CDKL5: variants seen among roughly 807,000 people sequenced by gnomAD.
CDKL5 encodes the protein cyclin-dependent kinase-like 5.
A neutral mutation model predicts 61.7 loss-of-function variants in CDKL5; 8 were observed. That is an observed-to-expected ratio of 0.13 (90% CI 0.08 to 0.23). The LOEUF is 0.23. Among genes scored for constraint, CDKL5 ranks in the 10% least tolerant of loss-of-function variants. CDKL5 has a pLI of 1.00. For missense variants in CDKL5, 440 were observed against 734.5 expected (o/e 0.60, Z 4.63); for synonymous variants, 275 against 272.3 (o/e 1.01, Z -0.10).
chrX:18,455,644 T>G (rs897095134), intron 1 of CDKL5, among the ~76,000 whole-genome samples: 1 of 113,021 alleles, frequency 8.8e-6, no homozygotes, highest in African/African-American at 3.2e-5. Flanking sequence ...GCAAACCCGC[T>G]TCTGTAATGC....
chrX:18,633,844 G>C lies in CDKL5; in HGVS notation c.*5087G>C. 1 of 753,770 alleles carries C rather than the reference G, an allele frequency of 1.3e-6. No homozygotes were observed. The highest frequency in any genetic ancestry group is 1.6e-6 in the Non-Finnish European group (1 of 639,183). 62.1% of individuals were successfully genotyped at this position (753,770 alleles called of 1,213,427 possible). On this transcript the variant is annotated 3_prime_UTR_variant, in exon 18 of 18. Coordinates refer to ENST00000623535, the MANE Select transcript of CDKL5 (RefSeq NM_001323289.2). The stretch of plus-strand genomic sequence containing the variant: ...CCTGGCTCCACCTTTCTCCTCTCCG[G>C]GCACTGACCCCACCTTTCCGTGTAT...
At chrX:18,549,252 CA>C (rs947274824) in intron 3 of CDKL5, among the ~76,000 whole-genome samples, 4 of 111,664 alleles carry the variant, frequency 3.6e-5, no homozygotes, top group African/African-American at 1.3e-4. Flanking sequence ...TGAATAATTG[CA>C]AAAATTAAGT....
In CDKL5 at chrX:18,633,454, A is replaced by C; in HGVS notation, c.*4697A>C. ...AAGAAGATCCTCTCAAAGACTTAAA[A>C]GCCTGGCTTACAAAAATAACCAGAA... On this transcript the variant is annotated 3_prime_UTR_variant, in exon 18 of 18. Transcript: ENST00000623535. 1 of 754,768 alleles carries C rather than the reference A, an allele frequency of 1.3e-6. No homozygotes were observed. 62.2% of individuals were successfully genotyped at this position (754,768 alleles called of 1,213,427 possible).
chrX:18,507,552 TTTCA>T (rs201508159), intron 2 of CDKL5, among the ~76,000 whole-genome samples: 25,792 of 102,487 alleles, frequency 0.25, 2,889 homozygotes, highest in Non-Finnish European at 0.3. Flanking sequence ...ATAACTTAAA[TTTCA>T]TTCATTCATT....
In CDKL5 at chrX:18,635,354, C is replaced by G. The variant is rs901476534; in HGVS notation, c.*6597C>G. On this transcript the variant is annotated 3_prime_UTR_variant, in exon 18 of 18. Coordinates refer to ENST00000623535, the MANE Select transcript of CDKL5 (RefSeq NM_001323289.2). ...GAGCACAATGTATTTTTGAATGGAT[C>G]TTCCCAAATGTCTTTAATAAAATGC... The G allele has an allele frequency of 6.6e-6, 5 of 752,290 alleles. No homozygotes were observed. The African/African-American group carries it at 1.2e-4, about 17-fold the overall frequency. 62.0% of individuals were successfully genotyped at this position (752,290 alleles called of 1,213,427 possible).
chrX:18,518,867 C>T (rs1343335033), intron 3 of CDKL5, among the ~76,000 whole-genome samples: 3 of 109,191 alleles, frequency 2.7e-5, no homozygotes, highest in Non-Finnish European at 5.7e-5. Context: ...AATAATAAAG[C>T]GGGAGGGGAA....
At chrX:18,610,577 T>C (rs149339092) in intron 14 of CDKL5, among the ~76,000 whole-genome samples, 1,734 of 112,987 alleles carry the variant, frequency 0.015, 37 homozygotes, top group African/African-American at 0.052. Flanking sequence ...CATAAATATT[T>C]GTCAATTGAA....
downstream of CDKL5, among the ~76,000 whole-genome samples, chrX:18,643,900 C>G (rs1346429450): frequency 9.0e-6 from 1 of 110,874 alleles, no homozygotes; most frequent in Admixed American, 9.6e-5. Flanking sequence ...CTGTCTCAAT[C>G]CACAAAGATT....
At chrX:18,488,083 G>C (rs1921856622) in intron 1 of CDKL5, among the ~76,000 whole-genome samples, 1 of 111,438 alleles carries the variant, frequency 9.0e-6, no homozygotes, top group Non-Finnish European at 1.9e-5. Flanking sequence ...GAGGAAATGG[G>C]GATTCTGGCC....
rs1253759396 is a variant in CDKL5, at chrX:18,636,424, T to A, written c.*7667T>A. ...CGAAACAGGTACTATTATTATCCCC[T>A]TTTTGTAAATGAGGAAACAGATTTC... On this transcript the variant is annotated 3_prime_UTR_variant, in exon 18 of 18. Coordinates refer to ENST00000623535, the MANE Select transcript of CDKL5 (RefSeq NM_001323289.2). The A allele has an allele frequency of 9.2e-6, 1 of 108,567 alleles. No homozygotes were observed. Among genetic ancestry groups the A allele is most frequent in the Admixed American group, 1.0e-4 (1 of 10,033 alleles). The allele number at this position is 108,567 out of a possible 1,213,427, so 8.9% of individuals were successfully genotyped here.
rs764086717 is a variant in CDKL5 at position 18,545,838 on chromosome X, A to T, written c.100-18639A>T. 3.6e-5 allele frequency among the ~76,000 whole-genome samples: 4 copies of T among 112,271 alleles called. No individual in the cohort carries two copies. In the South Asian group the frequency reaches 1.5e-3, roughly 41 times the overall value. ...ATTTATCTGAGGCAGATTTTTTTTC[A>T]AATTCATATTGATTTATCTTCCATG... On this transcript the variant is annotated intron_variant, in intron 3 of 17. Transcript: ENST00000623535.
In CDKL5 at chrX:18,636,320, T is replaced by C. The variant is rs1927382963; in HGVS notation, c.*7563T>C. 2.0e-5 allele frequency: 2 copies of C among 100,319 alleles called. No individual in the cohort carries two copies. Among genetic ancestry groups the C allele is most frequent in the Admixed American group, 1.2e-4 (1 of 8,690 alleles). The allele number at this position is 100,319 out of a possible 1,213,427, so 8.3% of individuals were successfully genotyped here. On this transcript the variant is annotated 3_prime_UTR_variant, in exon 18 of 18. Coordinates refer to ENST00000623535, the MANE Select transcript of CDKL5 (RefSeq NM_001323289.2). ...TAGCACTTACTATGGCCAGGCACAA[T>C]GCCCAAGTGTTTTGCTTTATTATTA...
downstream of CDKL5, chrX:18,644,324 C>T (rs144601074): frequency 6.4e-4 from 446 of 691,797 alleles, 3 homozygotes; most frequent in African/African-American, 8.4e-3. Context: ...ATCCACTGTG[C>T]TGTGGAGTCG....
At chrX:18,544,257 A>G (rs923306307) in intron 3 of CDKL5, among the ~76,000 whole-genome samples, 1 of 111,966 alleles carries the variant, frequency 8.9e-6, no homozygotes, top group African/African-American at 3.2e-5. Context: ...AGTTCTCTCC[A>G]TGGGCAGGAG....
At chrX:18,545,509 A>G (rs1475834204) in intron 3 of CDKL5, among the ~76,000 whole-genome samples, 1 of 112,130 alleles carries the variant, frequency 8.9e-6, no homozygotes, top group Non-Finnish European at 1.9e-5. Flanking sequence ...CTTAATTGTA[A>G]AGCAGTTATA....
At chrX:18,611,392 G>A (rs990362952) in intron 14 of CDKL5, among the ~76,000 whole-genome samples, 5 of 102,032 alleles carry the variant, frequency 4.9e-5, no homozygotes, top group African/African-American at 1.5e-4. Context: ...CCAAAACCGC[G>A]CCACTGCACC....
chrX:18,559,197 G>GT (rs1924705593), intron 3 of CDKL5, among the ~76,000 whole-genome samples: 1 of 111,706 alleles, frequency 9.0e-6, no homozygotes, highest in Admixed American at 9.5e-5. Flanking sequence ...TAAGGATGAG[G>GT]TTTTTTGTTT....
Position 18,630,221 on chromosome X carries a change from C to T in CDKL5, c.*1464C>T. The T allele has an allele frequency of 1.3e-6, 1 of 753,436 alleles. No homozygotes were observed. The highest frequency in any genetic ancestry group is 1.6e-6 in the Non-Finnish European group (1 of 638,934). The allele number at this position is 753,436 out of a possible 1,213,427, so 62.1% of individuals were successfully genotyped here. On this transcript the variant is annotated 3_prime_UTR_variant, in exon 18 of 18. Coordinates refer to ENST00000623535, the MANE Select transcript of CDKL5 (RefSeq NM_001323289.2). Reference sequence around the variant, plus strand: ...CAACCCCCATCAGAACAGGACCTATCTTCCCCTCATCTGATCTCTTTCAGC... The same window carrying T: ...CAACCCCCATCAGAACAGGACCTATTTTCCCCTCATCTGATCTCTTTCAGC...
intron 1 of CDKL5, among the ~76,000 whole-genome samples, chrX:18,460,519 G>A (rs1193269839): frequency 9.1e-6 from 1 of 110,470 alleles, no homozygotes; most frequent in East Asian, 2.8e-4. Context: ...ATTTTTTGGA[G>A]ACAGGGTCTC....
Sources: allele counts gnomAD v4.1 joint callset (sites outside exome capture counted in the v4.1 genomes callset), GRCh38; gene constraint gnomAD v4.1.1; transcripts MANE v1.5; gene names NCBI Gene and HGNC (gene_info 2026-07-23, HGNC 2026-07-21).